ASTL: variants seen among roughly 807,000 people sequenced by gnomAD.
ASTL encodes astacin like metalloendopeptidase.
In ASTL, 27 loss-of-function variants were observed where a neutral mutation model predicts 36.7. The ratio of observed to expected loss-of-function variants is 0.73; its 90% CI spans 0.54 to 1.01. The LOEUF is 1.01. ASTL is among the 50% of genes least tolerant of loss of function. The pLI is 0.00. For missense variants in ASTL, 524 were observed against 572.8 expected, an observed-to-expected ratio of 0.91 and a Z score of 0.87; for synonymous variants, 222 against 228.1, an observed-to-expected ratio of 0.97 and a Z score of 0.24.
rs572136760 is a variant in ASTL, at chr2:96,137,065, G to A, written c.181+510C>T. On this transcript the variant is annotated intron_variant, in intron 2 of 8. Transcript: ENST00000342380. The stretch of plus-strand genomic sequence containing the variant: ...TCACTGTGTTAGCCAGGATGGTCTC[G>A]ATCTCCTGACCTCATGATCTGCCCG... Among the ~76,000 whole-genome samples, 14 of 152,124 alleles carry A rather than the reference G, an allele frequency of 9.2e-5. No individual in the cohort carries two copies. In the South Asian group the frequency reaches 2.3e-3, roughly 25 times the overall value.
Position 96,137,082 on chromosome 2 carries a change from A to G in ASTL, c.181+493T>C, listed in dbSNP as rs1039817223. 3.3e-5 allele frequency among the ~76,000 whole-genome samples: 5 copies of G among 152,216 alleles called. No individual in the cohort carries two copies. The South Asian group carries it at 8.3e-4, about 25-fold the overall frequency. On this transcript the variant is annotated intron_variant, in intron 2 of 8. Coordinates refer to ENST00000342380, the MANE Select transcript of ASTL (RefSeq NM_001002036.4). ...ATGGTCTCGATCTCCTGACCTCATG[A>G]TCTGCCCGCCTCAGCCTCCCAAAGT...
rs759992520 is a variant in ASTL, at chr2:96,138,455, C to A, written c.-19G>T. 1.1e-5 allele frequency: 17 copies of A among 1,603,806 alleles called. No individual in the cohort carries two copies. The highest frequency in any genetic ancestry group is 1.3e-5 in the African/African-American group (1 of 74,642). ...CCTCCATGGTAGAGCCCTGCTGCCC[C>A]TTCAGCAAACAAGACCAAGCCCCAG... On this transcript the variant is annotated 5_prime_UTR_variant, in exon 1 of 9. It adds an upstream start codon to the 5' untranslated region. Transcript: ENST00000342380.
chr2:96,134,406 C>T (rs1682253942), intron 3 of ASTL, among the ~76,000 whole-genome samples: 1 of 152,136 alleles, frequency 6.6e-6, no homozygotes. Flanking sequence ...TTGACAGTGC[C>T]CCTTCCAGAG....
Position 96,124,132 on chromosome 2 carries a change from C to A in ASTL, c.1014G>T (p.Gly338=). The part of the protein sequence containing the change: ...SSAGGQPVPA[G]PGESPHGWES... Reference sequence around the variant, plus strand: ...CCCACCCATGTGGGCTCTCCCCAGGCCCTGCAGGAACGGGCTGGCCTCCCG... The same window carrying A: ...CCCACCCATGTGGGCTCTCCCCAGGACCTGCAGGAACGGGCTGGCCTCCCG... The change falls in exon 9 of 9, where the codon GGG becomes GGT. Residue 338 remains glycine, a synonymous_variant. Transcript: ENST00000342380. This position sits in a 1 kb window ranked among gnomAD's most constrained non-coding sequence, Gnocchi z 4.1. 6.3e-7 allele frequency: 1 copy of A among 1,585,756 alleles called. No homozygotes were observed. The highest frequency in any genetic ancestry group is 8.6e-7 in the Non-Finnish European group (1 of 1,164,628).
At chr2:96,126,658 C>G (rs1003406480) in intron 8 of ASTL, among the ~76,000 whole-genome samples, 27 of 152,000 alleles carry the variant, frequency 1.8e-4, no homozygotes, top group African/African-American at 6.0e-4. Flanking sequence ...GAGTTCGAGA[C>G]CAGCCTGACC....
chr2:96,134,736 G>A (rs981932335), intron 3 of ASTL, among the ~76,000 whole-genome samples: 6 of 152,204 alleles, frequency 3.9e-5, no homozygotes, highest in Admixed American at 3.3e-4. Context: ...TGCCGTCAGT[G>A]GCAGCCTCCA....
Position 96,124,233 on chromosome 2 carries a change from C to T in ASTL, c.913G>A (p.Ala305Thr), listed in dbSNP as rs369203898. Residue 305 changes from alanine (A) to threonine (T), a missense_variant, in exon 9 of 9, where the codon GCC (alanine) becomes ACC (threonine). Coordinates refer to ENST00000342380, the MANE Select transcript of ASTL (RefSeq NM_001002036.4). This position sits in a 1 kb window ranked among gnomAD's most constrained non-coding sequence, Gnocchi z 4.1. ...AHSTGRSPAPASLSLQRLLEA... is the reference protein window; with the variant it reads ...AHSTGRSPAPTSLSLQRLLEA... Reference sequence around the variant, plus strand: ...AAAAGCCGCTGCAGAGATAGGGAGGCCGGAGCGGGGCTCCTACCAGTGCTG... The same window carrying T: ...AAAAGCCGCTGCAGAGATAGGGAGGTCGGAGCGGGGCTCCTACCAGTGCTG... The T allele has an allele frequency of 3.2e-5, 49 of 1,515,948 alleles. No homozygotes were observed. The highest frequency in any genetic ancestry group is 4.1e-5 in the Non-Finnish European group (46 of 1,133,880). 93.9% of individuals were successfully genotyped at this position (1,515,948 alleles called of 1,614,324 possible).
chr2:96,137,868 C>G (rs1396267760), intron 1 of ASTL, 168 bp from the exon 2 acceptor site: 6 of 641,468 alleles, frequency 9.4e-6, no homozygotes, highest in Admixed American at 5.9e-5. Flanking sequence ...CTGCTCAACC[C>G]CAACTGGTGC....
intron 2 of ASTL, among the ~76,000 whole-genome samples, chr2:96,136,311 G>A (rs944105071): frequency 6.6e-6 from 1 of 152,268 alleles, no homozygotes; most frequent in Non-Finnish European, 1.5e-5. Context: ...GTAGCCCCCG[G>A]GCATCTCTGG....
At chr2:96,138,316 T>C in intron 1 of ASTL, 66 bp downstream of exon 1, 1 of 1,451,420 alleles carries the variant, frequency 6.9e-7, no homozygotes, top group Non-Finnish European at 9.5e-7. Context: ...AGCCACAACC[T>C]TCTAGCCTCT....
At chr2:96,135,452 G>C (rs775216219) in intron 2 of ASTL, 40 bp from the exon 3 acceptor site, 1 of 1,593,538 alleles carries the variant, frequency 6.3e-7, no homozygotes, top group Admixed American at 1.7e-5. Context: ...ATGTCCCCCA[G>C]AACACTGACT....
intron 2 of ASTL, among the ~76,000 whole-genome samples, chr2:96,137,174 C>T (rs1031989173): frequency 6.6e-6 from 1 of 152,210 alleles, no homozygotes; most frequent in Non-Finnish European, 1.5e-5. Flanking sequence ...CACCTGCAGA[C>T]AGTCCTGCAC....
intron 8 of ASTL, among the ~76,000 whole-genome samples, chr2:96,125,891 TCAC>T (rs897860870): frequency 1.3e-5 from 2 of 151,680 alleles, no homozygotes; most frequent in African/African-American, 4.8e-5. Context: ...CACAAATTTC[TCAC>T]CACATCTGTC....
chr2:96,125,049 C>T (rs1284247871), intron 8 of ASTL, among the ~76,000 whole-genome samples: 2 of 152,208 alleles, frequency 1.3e-5, no homozygotes, highest in Non-Finnish European at 2.9e-5. Context: ...ACCGCCTCCA[C>T]CTGTGCACAC....
intron 5 of ASTL, among the ~76,000 whole-genome samples, 185 bp downstream of exon 5, chr2:96,133,240 C>T (rs1012481632): frequency 2.0e-5 from 3 of 152,226 alleles, no homozygotes; most frequent in Admixed American, 6.5e-5. Flanking sequence ...GGTCTAGCAC[C>T]GTTCCCATCC....
In ASTL at chr2:96,138,479, A is replaced by T. The variant is rs1558719085; in HGVS notation, c.-43T>A. ...CCTTCAGCAAACAAGACCAAGCCCC[A>T]GCAAGACACAGTAACCTAATTGCAG... On this transcript the variant is annotated 5_prime_UTR_variant, in exon 1 of 9. Transcript: ENST00000342380. The T allele has an allele frequency of 6.4e-7, 1 of 1,552,290 alleles. No individual in the cohort carries two copies. Among genetic ancestry groups the T allele is most frequent in the Non-Finnish European group, 8.8e-7 (1 of 1,132,502 alleles).
At chr2:96,131,940 G>T (rs550065599) in intron 6 of ASTL, among the ~76,000 whole-genome samples, 1 of 152,114 alleles carries the variant, frequency 6.6e-6, no homozygotes, top group Non-Finnish European at 1.5e-5. Context: ...TCTGATCCCC[G>T]GCGCCACACA....
In ASTL at chr2:96,133,975, G is replaced by A; in HGVS notation, c.327C>T (p.Ser109=). The change falls in exon 4 of 9, where the codon TCC becomes TCT. Residue 109 remains serine (S), a synonymous_variant. Transcript: ENST00000342380. The part of the protein sequence containing the change: ...SGVVEVPFLL[S]SKYDEPSRQV... ...GCCATGCTCACTCACCGTACTTGCT[G>A]GAGAGCAGGAAGGGGACCTCCACGA... 6.2e-7 allele frequency: 1 copy of A among 1,611,714 alleles called. No homozygotes were observed. Among genetic ancestry groups the A allele is most frequent in the South Asian group, 1.1e-5 (1 of 91,018 alleles).
rs538257262 is a variant in ASTL, at chr2:96,134,770, G to A, written c.243+581C>T. On this transcript the variant is annotated intron_variant, in intron 3 of 8. Coordinates refer to ENST00000342380, the MANE Select transcript of ASTL (RefSeq NM_001002036.4). ...CAACAGGACAGTCTTGCCTTCCCCT[G>A]GGTCACTGTCCTATTCAGGAGCCTT... Among the ~76,000 whole-genome samples, 68 of 152,344 alleles carry A rather than the reference G, an allele frequency of 4.5e-4. 1 individual carries two copies. In the East Asian group the frequency reaches 0.013, roughly 29 times the overall value.
Sources: allele counts gnomAD v4.1 joint callset (sites outside exome capture counted in the v4.1 genomes callset), GRCh38; gene constraint gnomAD v4.1.1; non-coding constraint Gnocchi (gnomAD v3.1); transcripts MANE v1.5; gene names NCBI Gene and HGNC (gene_info 2026-07-23, HGNC 2026-07-21).